Variants in CNNM3 observed in about 807,000 individuals in gnomAD.
The protein encoded by CNNM3 is cyclin and CBS domain divalent metal cation transport mediator 3.
CNNM3 carries 47 observed loss-of-function variants against 57.1 expected under a neutral mutation model. The ratio of observed to expected loss-of-function variants is 0.82; its 90% CI spans 0.65 to 1.05. CNNM3 has a LOEUF of 1.05. Among genes scored for constraint, CNNM3 ranks in the 50% least tolerant of loss-of-function variants. CNNM3 has a pLI of 0.00. For missense variants in CNNM3, 957 were observed against 973.7 expected (o/e 0.98, Z 0.23); for synonymous variants, 507 against 478.2 (o/e 1.06, Z -0.79).
chr2:96,827,885 C>T lies in CNNM3; in HGVS notation c.1674C>T (p.Phe558=), dbSNP rs758901872. ...AGCGCAGCCAGCCGGTGGATTACTTCATTCTCATCCTGCAGGTAGCTGTGG... is the reference window on the plus strand; with the variant it reads ...AGCGCAGCCAGCCGGTGGATTACTTTATTCTCATCCTGCAGGTAGCTGTGG... The part of the protein sequence containing the change: ...LYQRSQPVDY[F]ILILQGRVEV... The change falls in exon 4 of 8, where the codon TTC becomes TTT. Residue 558 remains phenylalanine (F), a synonymous_variant. Transcript: ENST00000305510. The T allele has an allele frequency of 5.6e-6, 9 of 1,612,136 alleles. No homozygotes were observed. The East Asian group carries it at 1.6e-4, about 28-fold the overall frequency.
In CNNM3 at chr2:96,833,724, T is replaced by C. The variant is rs1202633725; in HGVS notation, c.*1108T>C. The C allele has an allele frequency of 3.9e-5, 6 of 152,170 alleles. No individual in the cohort carries two copies. The allele number at this position is 152,170 out of a possible 1,614,324, so 9.4% of individuals were successfully genotyped here. On this transcript the variant is annotated 3_prime_UTR_variant, in exon 8 of 8. Transcript: ENST00000305510. Reference sequence around the variant, plus strand: ...TGTGGAAACGGGCATCACAAGGACATAGGATCATAGATTGGGTAGGGAGGG... The same window carrying C: ...TGTGGAAACGGGCATCACAAGGACACAGGATCATAGATTGGGTAGGGAGGG...
chr2:96,822,692 G>C (rs1007942965), intron 1 of CNNM3, among the ~76,000 whole-genome samples: 2 of 152,166 alleles, frequency 1.3e-5, no homozygotes, highest in Non-Finnish European at 2.9e-5. Context: ...AAAAGAGTCT[G>C]ACCAGCTCCA....
At chr2:96,820,507 A>C (rs974508072) in intron 1 of CNNM3, among the ~76,000 whole-genome samples, 1 of 152,170 alleles carries the variant, frequency 6.6e-6, no homozygotes, top group African/African-American at 2.4e-5. Flanking sequence ...CAGGTGTGTC[A>C]GGGGCAAGGG....
Position 96,826,892 on chromosome 2 carries a change from G to T in CNNM3, c.1429G>T (p.Glu477Ter), listed in dbSNP as rs746293227. 6.2e-7 allele frequency: 1 copy of T among 1,614,182 alleles called. No homozygotes were observed. Among genetic ancestry groups the T allele is most frequent in the East Asian group, 2.2e-5 (1 of 44,886 alleles). ...SLMAPLKRKE[E>*]FSLFKVSDDE... ...GATGGCCCCTCTGAAGCGGAAGGAG[G>T]AGTTCTCCTTGTTCAAGGTGTCTGA... Residue 477 changes from glutamate to a stop codon, truncating the protein, a stop_gained, in exon 3 of 8, where the codon GAG becomes TAG. Coordinates refer to ENST00000305510, the MANE Select transcript of CNNM3 (RefSeq NM_017623.5). LOFTEE classifies it high-confidence loss of function.
In CNNM3 at chr2:96,834,601, G is replaced by A. The variant is rs992795005; in HGVS notation, c.*1985G>A. Among the ~76,000 whole-genome samples the A allele has an allele frequency of 7.9e-5, 12 of 151,596 alleles. No homozygotes were observed. Among genetic ancestry groups the A allele is most frequent in the African/African-American group, 1.7e-4 (7 of 41,206 alleles). ...TAGGCTCAAGCGATCCTCCTGCCTC[G>A]GCCTCCCAAAGTGTTGAGATTATAG... On this transcript the variant is annotated 3_prime_UTR_variant, in exon 8 of 8. Transcript: ENST00000305510.
chr2:96,834,307 CAG>C lies in CNNM3; in HGVS notation c.*1694_*1695del, dbSNP rs1310182188. ...CTTGTGATTTAATCAGAGTCGGCAT[CAG>C]AGTTTTCAATTTTTTATTTATTTAT... On this transcript the variant is annotated 3_prime_UTR_variant, in exon 8 of 8. Transcript: ENST00000305510. Among the ~76,000 whole-genome samples the C allele has an allele frequency of 6.6e-6, 1 of 151,076 alleles. No homozygotes were observed. Among genetic ancestry groups the C allele is most frequent in the Non-Finnish European group, 1.5e-5 (1 of 67,932 alleles).
chr2:96,830,509 C>G (rs1056497351), intron 7 of CNNM3, among the ~76,000 whole-genome samples: 8 of 152,350 alleles, frequency 5.3e-5, no homozygotes, highest in Non-Finnish European at 7.3e-5. Flanking sequence ...ATAGTCCTTT[C>G]TGAATTGTGA....
intron 3 of CNNM3, 27 bp from the exon 4 acceptor site, chr2:96,827,704 A>G (rs766223488): frequency 1.0e-5 from 16 of 1,603,004 alleles, no homozygotes; most frequent in Non-Finnish European, 1.4e-5. Flanking sequence ...CCCAGTGGAC[A>G]CTGTCCCTTT....
chr2:96,819,816 A>G (rs879648288), intron 1 of CNNM3, among the ~76,000 whole-genome samples: 2 of 152,220 alleles, frequency 1.3e-5, no homozygotes, highest in African/African-American at 4.8e-5. Flanking sequence ...GTAGTTGGTC[A>G]TGATGCTCAG....
At position 96,827,780 on chromosome 2, in the gene CNNM3, C is replaced by G. The variant is rs754125772; in HGVS notation, c.1569C>G (p.His523Gln). 1.2e-6 allele frequency: 2 copies of G among 1,614,086 alleles called. No individual in the cohort carries two copies. The highest frequency in any genetic ancestry group is 4.5e-5 in the East Asian group (2 of 44,898). The change falls in exon 4 of 8, where the codon CAC (histidine) becomes CAG (glutamine). Residue 523 changes from histidine to glutamine, a missense_variant. His to Gln is a conservative substitution (Grantham distance 24). This residue lies in a region of CNNM3 where 491 missense variants were observed against 570.6 expected (regional missense o/e 0.86). Transcript: ENST00000305510. ...PLRISEKVLLHLLKHPSVNQE... is the reference protein window; with the variant it reads ...PLRISEKVLLQLLKHPSVNQE... ...GCATCTCTGAGAAGGTCCTGCTGCA[C>G]CTGTTGAAGCATCCCAGTGTCAACC...
intron 7 of CNNM3, 53 bp from the exon 8 acceptor site, chr2:96,832,499 A>G: frequency 6.2e-7 from 1 of 1,611,098 alleles, no homozygotes; most frequent in South Asian, 1.1e-5. Flanking sequence ...CTTGGTTTTG[A>G]CAGGATACTT....
In CNNM3 at chr2:96,817,605, G is replaced by A. The variant is rs995766944; in HGVS notation, c.1225+103G>A. On this transcript the variant is annotated intron_variant, in intron 1 of 7. Coordinates refer to ENST00000305510, the MANE Select transcript of CNNM3 (RefSeq NM_017623.5). ...CTTCTGGAAAGGGTCCCACCCCTGT[G>A]GAGAGCAGTGAGACCTCTAAGGTCC... is the stretch of plus-strand genomic sequence containing the variant. 7.0e-6 allele frequency: 8 copies of A among 1,145,130 alleles called. No homozygotes were observed. The South Asian group carries it at 8.6e-5, about 12-fold the overall frequency. The allele number at this position is 1,145,130 out of a possible 1,614,324, so 70.9% of individuals were successfully genotyped here. A position where few individuals can be genotyped will look rare whatever the true frequency, so the allele number is the denominator to read the frequency against.
chr2:96,828,760 A>G (rs1337271678), intron 6 of CNNM3, 60 bp downstream of exon 6: 1 of 1,605,334 alleles, frequency 6.2e-7, no homozygotes, highest in Non-Finnish European at 8.5e-7. Context: ...ACCGGGGGCT[A>G]GACCAGCTGG....
chr2:96,821,352 A>C (rs963061657), intron 1 of CNNM3, among the ~76,000 whole-genome samples: 1 of 152,174 alleles, frequency 6.6e-6, no homozygotes, highest in Non-Finnish European at 1.5e-5. Flanking sequence ...GGTTTTAAAA[A>C]TCGATTCCCT....
intron 7 of CNNM3, 145 bp from the exon 8 acceptor site, chr2:96,832,407 C>T (rs1378905748): frequency 2.0e-6 from 3 of 1,502,166 alleles, no homozygotes; most frequent in East Asian, 2.4e-5. Context: ...ACCAGTCGCT[C>T]CTGTTTCTGC....
intron 4 of CNNM3, 30 bp from the exon 5 acceptor site, chr2:96,828,069 A>G (rs372553939): frequency 1.2e-4 from 191 of 1,603,384 alleles, no homozygotes; most frequent in Non-Finnish European, 1.3e-4. Context: ...ATCTGGCCGC[A>G]TCTGTTTCTC....
chr2:96,819,813 G>T (rs1329819550), intron 1 of CNNM3, among the ~76,000 whole-genome samples: 1 of 152,160 alleles, frequency 6.6e-6, no homozygotes, highest in Non-Finnish European at 1.5e-5. Context: ...TCTGTAGTTG[G>T]TCATGATGCT....
At chr2:96,837,319 C>CT (rs1339807931), downstream of CNNM3, 1 of 152,218 alleles carries the variant, frequency 6.6e-6, no homozygotes, top group Admixed American at 6.5e-5. Flanking sequence ...TGTATTCTGT[C>CT]TAGCAATCCA....
At chr2:96,823,959 TATGA>T (rs2079451275) in intron 1 of CNNM3, among the ~76,000 whole-genome samples, 1 of 152,244 alleles carries the variant, frequency 6.6e-6, no homozygotes, top group South Asian at 2.1e-4. Flanking sequence ...ACAAAATGTC[TATGA>T]ATATTTTTTG....
Sources: gnomAD v4.1 joint callset for allele counts (sites outside exome capture counted in the v4.1 genomes callset) on GRCh38, gnomAD v4.1.1 for gene constraint, gnomAD v4.1.1 regional missense constraint, MANE v1.5 for transcripts, NCBI Gene and HGNC (gene_info 2026-07-23, HGNC 2026-07-21) for gene names.